The following SLIT2 variants were observed in gnomAD, a reference collection of about 807,000 sequenced individuals.
SLIT2 encodes the protein slit guidance ligand 2, also known as slit homolog 2 protein.
In SLIT2, 41 loss-of-function variants were observed where a neutral mutation model predicts 185.7. That is an observed-to-expected ratio of 0.22 (90% confidence interval 0.17 to 0.29). The LOEUF is 0.29. Among genes scored for constraint, SLIT2 ranks in the 10% least tolerant of loss-of-function variants. The pLI is 1.00. For missense variants in SLIT2, 1,571 were observed against 1,909.0 expected, an observed-to-expected ratio of 0.82 and a Z score of 3.30; for synonymous variants, 693 against 680.2, an observed-to-expected ratio of 1.02 and a Z score of -0.29.
At chr4:20,543,673 A>G (rs1040677353) in intron 21 of SLIT2, among the ~76,000 whole-genome samples, 1 of 152,120 alleles carries the variant, frequency 6.6e-6, no homozygotes, top group African/African-American at 2.4e-5. Flanking sequence ...ATTTTTAAGG[A>G]TCTTATTTTC....
At chr4:20,389,549 A>G (rs1312374818) in intron 4 of SLIT2, among the ~76,000 whole-genome samples, 2 of 151,760 alleles carry the variant, frequency 1.3e-5, no homozygotes, top group African/African-American at 2.4e-5. Context: ...TTTTTTAACC[A>G]CCGAGATTTT....
chr4:20,262,233 G>A (rs1712547372), intron 3 of SLIT2, among the ~76,000 whole-genome samples: 1 of 151,708 alleles, frequency 6.6e-6, no homozygotes, highest in African/African-American at 2.4e-5. Context: ...TTTTTAAGGT[G>A]ATGCTGAATT....
chr4:20,299,111 C>A (rs1343354548), intron 4 of SLIT2, among the ~76,000 whole-genome samples: 1 of 151,992 alleles, frequency 6.6e-6, no homozygotes, highest in Non-Finnish European at 1.5e-5. Flanking sequence ...ATGTTTTCCC[C>A]AATATTTTAT....
chr4:20,349,219 G>A (rs907933859), intron 4 of SLIT2, among the ~76,000 whole-genome samples: 20 of 152,078 alleles, frequency 1.3e-4, no homozygotes, highest in African/African-American at 3.9e-4. Context: ...TGATTTATTC[G>A]GCAGTTAGTT....
chr4:20,470,738 G>A (rs1714901562), intron 5 of SLIT2, among the ~76,000 whole-genome samples: 1 of 152,008 alleles, frequency 6.6e-6, no homozygotes, highest in Admixed American at 6.6e-5. Context: ...ACCATACCTG[G>A]CTAATTTTTG....
rs536083769 is a variant in SLIT2 at position 20,371,659 on chromosome 4, G to GTTAT, written c.396-96092_396-96089dup. Among the ~76,000 whole-genome samples, 87 of 152,078 alleles carry GTTAT rather than the reference G, an allele frequency of 5.7e-4. No individual in the cohort carries two copies. In the South Asian group the frequency reaches 0.015, roughly 25 times the overall value. The stretch of plus-strand genomic sequence containing the variant: ...TTTTGGCCCTCTCACACAGTGCATG[G>GTTAT]TTATGCCACCCGAGAGGGAAAAATG... On this transcript the variant is annotated intron_variant, in intron 4 of 36. Transcript: ENST00000504154.
chr4:20,506,526 A>G (rs1719220603), intron 9 of SLIT2, among the ~76,000 whole-genome samples: 1 of 151,936 alleles, frequency 6.6e-6, no homozygotes, highest in Non-Finnish European at 1.5e-5. Flanking sequence ...TTTTTACCTC[A>G]ACCTGAAAAC....
At chr4:20,354,900 T>TGAGAGA (rs1265750841) in intron 4 of SLIT2, among the ~76,000 whole-genome samples, 10 of 113,926 alleles carry the variant, frequency 8.8e-5, no homozygotes, top group African/African-American at 3.0e-4. Flanking sequence ...TGTGTGTGTG[T>TGAGAGA]GTGTGTGAGA....
At chr4:20,424,058 TA>T (rs1728367502) in intron 4 of SLIT2, among the ~76,000 whole-genome samples, 1 of 152,162 alleles carries the variant, frequency 6.6e-6, no homozygotes. Flanking sequence ...ATTAAATGTG[TA>T]AATGAAACCA....
At chr4:20,523,690 A>T in intron 12 of SLIT2, 70 bp from the exon 13 acceptor site, 1 of 1,390,360 alleles carries the variant, frequency 7.2e-7, no homozygotes, top group South Asian at 1.2e-5. Context: ...GTTTCCTTAA[A>T]AAGCACAAAA....
intron 2 of SLIT2, among the ~76,000 whole-genome samples, chr4:20,257,425 T>C (rs910115062): frequency 6.6e-5 from 10 of 152,048 alleles, no homozygotes; most frequent in African/African-American, 2.2e-4. Flanking sequence ...TTCAGTGTTC[T>C]AAGTTTTAAG....
At position 20,516,920 on chromosome 4, in the gene SLIT2, G is replaced by A. The variant is rs187943387; in HGVS notation, c.1059-2462G>A. Reference sequence around the variant, plus strand: ...TACCCACTTTGTCTCATTAACAATAGCATCTGTTACTTTTTAACATGGTCT... The same window carrying A: ...TACCCACTTTGTCTCATTAACAATAACATCTGTTACTTTTTAACATGGTCT... On this transcript the variant is annotated intron_variant, in intron 11 of 36. Coordinates refer to ENST00000504154, the MANE Select transcript of SLIT2 (RefSeq NM_004787.4). Among the ~76,000 whole-genome samples the A allele has an allele frequency of 1.9e-4, 29 of 151,988 alleles. 1 individual carries two copies. The East Asian group carries it at 5.2e-3, about 27-fold the overall frequency.
At chr4:20,553,771 A>T (rs773531041) in intron 25 of SLIT2, 34 bp from the exon 26 acceptor site, 1 of 1,496,420 alleles carries the variant, frequency 6.7e-7, no homozygotes, top group African/African-American at 1.4e-5. Flanking sequence ...GTGTGTGTGT[A>T]TGTGTGTGTG....
intron 4 of SLIT2, among the ~76,000 whole-genome samples, chr4:20,456,810 G>A (rs886498278): frequency 2.0e-5 from 3 of 152,210 alleles, no homozygotes; most frequent in South Asian, 2.1e-4. Flanking sequence ...AGCCAAGACT[G>A]AGACTGAGAC....
intron 4 of SLIT2, among the ~76,000 whole-genome samples, chr4:20,352,888 G>A (rs574645907): frequency 6.6e-6 from 1 of 152,296 alleles, no homozygotes. Context: ...AATCCAGCCT[G>A]AAAACTGAGT....
rs978347868 is a variant in SLIT2 at position 20,611,253 on chromosome 4, T to C, written c.3847+1086T>C. On this transcript the variant is annotated intron_variant, in intron 34 of 36. Transcript: ENST00000504154. ...TTATCTCAACCACTCAAAGCCTTCT[T>C]TTCAGTGCCTCTAAGCCTAGGACAT... Among the ~76,000 whole-genome samples, 13 of 152,220 alleles carry C rather than the reference T, an allele frequency of 8.5e-5. No homozygotes were observed. In the South Asian group the frequency reaches 2.7e-3, roughly 31 times the overall value.
chr4:20,609,628 T>C (rs571484331), intron 33 of SLIT2, among the ~76,000 whole-genome samples: 58 of 152,346 alleles, frequency 3.8e-4, no homozygotes, highest in African/African-American at 1.3e-3. Flanking sequence ...ACAGGCCTAG[T>C]TTCCTTGTCT....
At chr4:20,398,889 C>G (rs1726138325) in intron 4 of SLIT2, among the ~76,000 whole-genome samples, 1 of 151,686 alleles carries the variant, frequency 6.6e-6, no homozygotes, top group Non-Finnish European at 1.5e-5. Context: ...ATACAAAATT[C>G]TAATGATATT....
Position 20,595,797 on chromosome 4 carries a change from G to C in SLIT2, c.3283G>C (p.Val1095Leu), listed in dbSNP as rs1281872131. 3 of 1,613,992 alleles carry C rather than the reference G, an allele frequency of 1.9e-6. No homozygotes were observed. The highest frequency in any genetic ancestry group is 2.7e-5 in the African/African-American group (2 of 74,918). ...AAACGGAGCCCACTGCACAGATGCA[G>C]TGAACGGCTATACGTGCATATGCCC... is the stretch of plus-strand genomic sequence containing the variant. ...CKNGAHCTDA[V>L]NGYTCICPEG... Residue 1095 changes from valine to leucine, a missense_variant, in exon 31 of 37, where the codon GTG (valine) becomes CTG (leucine). Physicochemically the swap from Val to Leu is conservative, Grantham distance 32. Around this residue, in one of 3 missense-constraint regions of SLIT2, gnomAD observed 1,202 missense variants for 1,416.4 expected, o/e 0.85. Transcript: ENST00000504154.
Sources: gnomAD v4.1 joint callset for allele counts (sites outside exome capture counted in the v4.1 genomes callset) on GRCh38, gnomAD v4.1.1 for gene constraint, gnomAD v4.1.1 regional missense constraint, MANE v1.5 for transcripts, NCBI Gene and HGNC (gene_info 2026-07-23, HGNC 2026-07-21) for gene names.